Variants in VPS8 observed in about 807,000 individuals in gnomAD.
VPS8 encodes VPS8 subunit of CORVET complex, also known as vacuolar protein sorting-associated protein 8 homolog.
In VPS8, 129 loss-of-function variants were observed where a neutral mutation model predicts 216.4. The observed-to-expected ratio is 0.60, with a 90% CI of 0.52 to 0.69. The LOEUF is 0.69. Among genes scored for constraint, VPS8 ranks in the 30% least tolerant of loss-of-function variants. The pLI is 0.00. For missense variants in VPS8, 1,531 were observed against 1,683.5 expected, an observed-to-expected ratio of 0.91 and a Z score of 1.59; for synonymous variants, 571 against 565.4, an observed-to-expected ratio of 1.01 and a Z score of -0.14.
At chr3:184,932,322 A>G (rs1410042212) in intron 34 of VPS8, among the ~76,000 whole-genome samples, 1 of 152,122 alleles carries the variant, frequency 6.6e-6, no homozygotes, top group African/African-American at 2.4e-5. Flanking sequence ...GATTCTGTTT[A>G]AAGTTTCAGG....
intron 16 of VPS8, 23 bp from the exon 17 acceptor site, chr3:184,866,853 T>G: frequency 1.2e-6 from 2 of 1,601,302 alleles, no homozygotes; most frequent in Non-Finnish European, 8.5e-7. Context: ...TTTACCTTTT[T>G]TGTATGTATG....
At chr3:185,043,466 A>G (rs1468984236) in intron 46 of VPS8, among the ~76,000 whole-genome samples, 5 of 152,188 alleles carry the variant, frequency 3.3e-5, no homozygotes, top group African/African-American at 1.2e-4. Context: ...TGTAGTTGAG[A>G]CAACTGATAT....
intron 37 of VPS8, 116 bp downstream of exon 37, chr3:184,957,637 TCTTAGTTGAGACATACTCCTGAAAAC>T (rs1487801462): frequency 1.6e-6 from 2 of 1,288,578 alleles, no homozygotes; most frequent in African/African-American, 3.0e-5. Flanking sequence ...CCTTATAAAT[TCTTAGTTGAGACATACTCCTGAAAAC>T]AAAAGTCAGA....
At chr3:184,914,289 G>T (rs563262005) in intron 26 of VPS8, among the ~76,000 whole-genome samples, 1 of 152,092 alleles carries the variant, frequency 6.6e-6, no homozygotes, top group Non-Finnish European at 1.5e-5. Flanking sequence ...AACTCTTCAG[G>T]ATATGCTGGT....
intron 47 of VPS8, among the ~76,000 whole-genome samples, chr3:185,051,298 A>G (rs6782831): frequency 0.48 from 72,734 of 151,692 alleles, 17,719 homozygotes; most frequent in East Asian, 0.67. Context: ...CTGGGAGCAA[A>G]GAGGACTCAC....
intron 8 of VPS8, among the ~76,000 whole-genome samples, chr3:184,844,369 C>T (rs1040245853): frequency 1.5e-4 from 22 of 151,650 alleles, no homozygotes; most frequent in Non-Finnish European, 2.6e-4. Context: ...TGCAGTGAGC[C>T]GAGATCGTGC....
chr3:184,844,789 G>T (rs1360646741), intron 8 of VPS8, among the ~76,000 whole-genome samples: 1 of 152,192 alleles, frequency 6.6e-6, no homozygotes, highest in Non-Finnish European at 1.5e-5. Flanking sequence ...TCAGGGCAAT[G>T]CCAAATAGAT....
chr3:184,901,522 T>C (rs1271713797), intron 25 of VPS8, among the ~76,000 whole-genome samples: 1 of 151,726 alleles, frequency 6.6e-6, no homozygotes, highest in African/African-American at 2.4e-5. Context: ...TTTTTTGTTT[T>C]TTTTTTTAGT....
intron 21 of VPS8, among the ~76,000 whole-genome samples, chr3:184,884,852 A>G (rs1446193010): frequency 6.6e-6 from 1 of 152,142 alleles, no homozygotes; most frequent in Non-Finnish European, 1.5e-5. Context: ...GGACCTGGGT[A>G]TTGCCCTTAC....
chr3:185,007,892 T>A (rs929376302), intron 45 of VPS8, among the ~76,000 whole-genome samples: 5 of 152,194 alleles, frequency 3.3e-5, no homozygotes, highest in African/African-American at 1.2e-4. Flanking sequence ...CATTGCTTAT[T>A]TATTTTGAAT....
intron 14 of VPS8, 37 bp from the exon 15 acceptor site, chr3:184,859,948 G>T (rs1166456326): frequency 1.3e-6 from 2 of 1,521,400 alleles, no homozygotes; most frequent in South Asian, 2.3e-5. Flanking sequence ...CCCTCAAACA[G>T]TAGCTGGTTT....
At chr3:185,049,749 A>C (rs1208588034) in intron 47 of VPS8, among the ~76,000 whole-genome samples, 1 of 152,088 alleles carries the variant, frequency 6.6e-6, no homozygotes, top group African/African-American at 2.4e-5. Flanking sequence ...GAGCTTGTGC[A>C]AACTGCTGTG....
intron 21 of VPS8, among the ~76,000 whole-genome samples, chr3:184,871,194 A>G (rs923983043): frequency 7.5e-5 from 11 of 146,100 alleles, no homozygotes; most frequent in African/African-American, 2.7e-4. Context: ...AGAATAATAG[A>G]TCAATCACAA....
chr3:185,003,197 G>T (rs1415140160), intron 45 of VPS8, among the ~76,000 whole-genome samples: 1 of 114,214 alleles, frequency 8.8e-6, no homozygotes. Context: ...GGTGTTTCTC[G>T]CAGAGGGGGA....
chr3:184,998,580 T>G (rs1752964430), intron 44 of VPS8, among the ~76,000 whole-genome samples: 1 of 135,920 alleles, frequency 7.4e-6, no homozygotes, highest in African/African-American at 2.7e-5. Flanking sequence ...AGAAAAAGAG[T>G]ATAAAGACTA....
At position 184,909,080 on chromosome 3, in the gene VPS8, C is replaced by A. The variant is rs572841041; in HGVS notation, c.2147-4439C>A. Among the ~76,000 whole-genome samples, 4 of 152,308 alleles carry A rather than the reference C, an allele frequency of 2.6e-5. No individual in the cohort carries two copies. The South Asian group carries it at 8.3e-4, about 32-fold the overall frequency. On this transcript the variant is annotated intron_variant, in intron 25 of 47. Transcript: ENST00000625842. Reference sequence around the variant, plus strand: ...AGGTGGGGTTTCACAAGGGACCCGCCCCTATCTGCCTAGGCATTTGACTAC... The same window carrying A: ...AGGTGGGGTTTCACAAGGGACCCGCACCTATCTGCCTAGGCATTTGACTAC...
At chr3:184,838,190 C>T (rs772671017) in intron 5 of VPS8, among the ~76,000 whole-genome samples, 26 of 152,096 alleles carry the variant, frequency 1.7e-4, no homozygotes, top group Admixed American at 6.5e-4. Flanking sequence ...ATGTAGTTAC[C>T]GGTAAGGAGC....
intron 46 of VPS8, among the ~76,000 whole-genome samples, chr3:185,043,399 G>A (rs1712130661): frequency 6.6e-6 from 1 of 152,266 alleles, no homozygotes; most frequent in South Asian, 2.1e-4. Context: ...TCCCTTCCCA[G>A]CCCTTCCCTC....
intron 34 of VPS8, among the ~76,000 whole-genome samples, chr3:184,933,862 ATATT>A (rs1363036976): frequency 2.0e-5 from 3 of 152,232 alleles, no homozygotes; most frequent in South Asian, 4.1e-4. Context: ...GTACCACACT[ATATT>A]TAATATTGTT....
Sources: allele counts gnomAD v4.1 joint callset (sites outside exome capture counted in the v4.1 genomes callset), GRCh38; gene constraint gnomAD v4.1.1; transcripts MANE v1.5; gene names NCBI Gene and HGNC (gene_info 2026-07-23, HGNC 2026-07-21).